The following PGM5 variants were observed in gnomAD, a reference collection of about 807,000 sequenced individuals.
The protein encoded by PGM5 is phosphoglucomutase 5.
PGM5 carries 23 observed loss-of-function variants against 59.2 expected under a neutral mutation model. The observed-to-expected ratio is 0.39, with a 90% CI of 0.28 to 0.55. The LOEUF is 0.55. PGM5 is among the 20% of genes least tolerant of loss of function. The probability of loss-of-function intolerance (pLI) is 0.66; values close to 1 mark genes in which losing one functional copy is unlikely to be tolerated. For synonymous variants in PGM5, 214 were observed against 286.0 expected (o/e 0.75, Z 2.54); for missense variants, 574 against 748.3 (o/e 0.77, Z 2.72).
chr9:68,434,055 G>A (rs1252755729), intron 6 of PGM5, among the ~76,000 whole-genome samples: 6 of 152,098 alleles, frequency 3.9e-5, no homozygotes, highest in Non-Finnish European at 5.9e-5. Context: ...AGTGGCTCAC[G>A]CCTATAATCC....
At chr9:68,445,904 CT>C (rs1823603935) in intron 6 of PGM5, among the ~76,000 whole-genome samples, 1 of 152,172 alleles carries the variant, frequency 6.6e-6, no homozygotes, top group Admixed American at 6.5e-5. Flanking sequence ...CTCCAAGTGC[CT>C]TTTAAAAGTA....
At chr9:68,497,861 T>A (rs1824505785) in intron 9 of PGM5, 2 of 152,282 alleles carry the variant, frequency 1.3e-5, no homozygotes, top group Middle Eastern at 3.4e-3. Flanking sequence ...TCAACAGAAG[T>A]CACAGTATCA....
chr9:68,466,496 T>G (rs1823937303), intron 7 of PGM5: 1 of 168,836 alleles, frequency 5.9e-6, no homozygotes, highest in African/African-American at 2.4e-5. Context: ...GGTTTTCCTG[T>G]TTTTTGTAGA....
At chr9:68,427,963 C>A (rs917742871) in intron 6 of PGM5, among the ~76,000 whole-genome samples, 15 of 152,144 alleles carry the variant, frequency 9.9e-5, no homozygotes, top group African/African-American at 3.4e-4. Context: ...TTGAACACTG[C>A]ACTGTTGAGT....
chr9:68,462,518 A>G (rs979441857), intron 6 of PGM5, among the ~76,000 whole-genome samples: 70 of 152,280 alleles, frequency 4.6e-4, no homozygotes, highest in African/African-American at 1.6e-3. Flanking sequence ...TCATAGTTAT[A>G]AAAGTATCCG....
intron 7 of PGM5, among the ~76,000 whole-genome samples, chr9:68,471,610 G>A (rs1554686226): frequency 6.8e-6 from 1 of 146,764 alleles, no homozygotes; most frequent in Non-Finnish European, 1.5e-5. Flanking sequence ...AAAAGACCCT[G>A]TCTCTTAAAA....
rs565099195 is a variant in PGM5 at position 68,357,133 on chromosome 9, G to A, written c.6G>A (p.Glu2=). M[E]GSPIPVLTVP... is the part of the protein sequence containing the mutation. ...AGGACCGGCCAGGAGGCGCCATGGAGGGGAGCCCCATCCCGGTGCTGACAG... is the reference window on the plus strand; with the variant it reads ...AGGACCGGCCAGGAGGCGCCATGGAAGGGAGCCCCATCCCGGTGCTGACAG... Residue 2 remains glutamate (E), a synonymous_variant, in exon 1 of 11, where the codon GAG becomes GAA. Transcript: ENST00000396396. 366 of 1,525,494 alleles carry A rather than the reference G, an allele frequency of 2.4e-4. No individual in the cohort carries two copies. Among genetic ancestry groups the A allele is most frequent in the Non-Finnish European group, 3.1e-4 (353 of 1,141,098 alleles). The allele number at this position is 1,525,494 out of a possible 1,614,324, so 94.5% of individuals were successfully genotyped here.
intron 6 of PGM5, among the ~76,000 whole-genome samples, chr9:68,427,484 C>T (rs1554682763): frequency 6.6e-6 from 1 of 152,142 alleles, no homozygotes; most frequent in East Asian, 1.9e-4. Context: ...AGCAGAAAAT[C>T]CCTGTTTGAT....
At chr9:68,389,161 G>C (rs1424990765) in intron 4 of PGM5, among the ~76,000 whole-genome samples, 1 of 151,424 alleles carries the variant, frequency 6.6e-6, no homozygotes, top group Non-Finnish European at 1.5e-5. Context: ...CAAAACTTTT[G>C]TTTGTATTTT....
At chr9:68,439,553 CAGA>C (rs1368403098) in intron 6 of PGM5, among the ~76,000 whole-genome samples, 2 of 146,066 alleles carry the variant, frequency 1.4e-5, no homozygotes, top group African/African-American at 5.1e-5. Context: ...AGCTGTTTCT[CAGA>C]AGATGATCAA....
intron 6 of PGM5, among the ~76,000 whole-genome samples, chr9:68,436,797 C>T (rs1486853536): frequency 6.6e-6 from 1 of 152,166 alleles, no homozygotes; most frequent in African/African-American, 2.4e-5. Flanking sequence ...AACCAGAGCT[C>T]AAGGTCATGT....
chr9:68,364,040 G>C (rs1834633374), intron 1 of PGM5, among the ~76,000 whole-genome samples: 1 of 152,204 alleles, frequency 6.6e-6, no homozygotes, highest in Non-Finnish European at 1.5e-5. Context: ...TTACAGTTTT[G>C]TTGCAAGTTT....
chr9:68,410,938 C>G (rs1822918610), intron 6 of PGM5, among the ~76,000 whole-genome samples: 2 of 152,220 alleles, frequency 1.3e-5, no homozygotes, highest in Non-Finnish European at 2.9e-5. Context: ...TTCTATCATT[C>G]TCAGGATGTG....
At chr9:68,453,390 G>T (rs1471999166) in intron 6 of PGM5, among the ~76,000 whole-genome samples, 1 of 152,182 alleles carries the variant, frequency 6.6e-6, no homozygotes, top group Non-Finnish European at 1.5e-5. Context: ...CCAGGCTGGA[G>T]TACAGTGGCA....
chr9:68,481,918 T>C (rs1178380902), intron 8 of PGM5, among the ~76,000 whole-genome samples: 1 of 152,214 alleles, frequency 6.6e-6, no homozygotes, highest in Non-Finnish European at 1.5e-5. Context: ...TATTCCTAGC[T>C]TGACAATTTT....
chr9:68,507,461 C>A (rs1327482873), intron 10 of PGM5, among the ~76,000 whole-genome samples: 2 of 152,174 alleles, frequency 1.3e-5, no homozygotes, highest in Non-Finnish European at 2.9e-5. Flanking sequence ...CTAGTTTGTG[C>A]TTTTCTAAGT....
At chr9:68,416,815 A>T (rs418315) in intron 6 of PGM5, among the ~76,000 whole-genome samples, 150,470 of 152,350 alleles carry the variant, frequency 0.99, 74,349 homozygotes, top group East Asian at 1. Context: ...CAAAGAGGTG[A>T]TTCTAGCTTT....
At chr9:68,370,874 G>T (rs1160640951) in intron 1 of PGM5, among the ~76,000 whole-genome samples, 8 of 151,870 alleles carry the variant, frequency 5.3e-5, no homozygotes, top group Admixed American at 3.3e-4. Context: ...ACTATGTCTT[G>T]GTTTCCCCAA....
chr9:68,391,443 T>C (rs1362091272), intron 4 of PGM5, 91 bp from the exon 5 acceptor site: 5 of 949,070 alleles, frequency 5.3e-6, no homozygotes, highest in African/African-American at 1.8e-5. Context: ...TCTTCTGGGT[T>C]ATTAAATGGT....
Sources: allele counts gnomAD v4.1 joint callset (sites outside exome capture counted in the v4.1 genomes callset), GRCh38; gene constraint gnomAD v4.1.1; transcripts MANE v1.5; gene names NCBI Gene and HGNC (gene_info 2026-07-23, HGNC 2026-07-21).